Variants in CLNK observed in about 807,000 individuals in gnomAD.
CLNK encodes the protein cytokine dependent hematopoietic cell linker.
CLNK carries 74 observed loss-of-function variants against 68.6 expected under a neutral mutation model. The ratio of observed to expected loss-of-function variants is 1.08; its 90% CI spans 0.89 to 1.31. The LOEUF is 1.31. Among genes scored for constraint, CLNK ranks in the 50% most tolerant of loss-of-function variants. The pLI, the probability that CLNK is intolerant of heterozygous loss-of-function variation, is 0.00. For missense variants in CLNK, 553 were observed against 515.3 expected (o/e 1.07, Z -0.71); for synonymous variants, 198 against 172.2 (o/e 1.15, Z -1.17).
the CLNK span, among the ~76,000 whole-genome samples, chr4:10,699,498 A>C: frequency 0.016 from 322 of 20,316 alleles, 4 homozygotes; most frequent in African/African-American, 0.037. Flanking sequence ...CTCTCTCTAT[A>C]TATATATATA....
intron 15 of CLNK, 115 bp downstream of exon 15, chr4:10,520,676 C>T (rs1341080343): frequency 2.8e-6 from 2 of 723,368 alleles, no homozygotes; most frequent in African/African-American, 1.8e-5. Flanking sequence ...GAGCTAATTA[C>T]ATCTGTACAC....
intron 17 of CLNK, among the ~76,000 whole-genome samples, chr4:10,503,596 TATAA>T (rs1717150137): frequency 1.3e-5 from 2 of 148,454 alleles, no homozygotes; most frequent in Admixed American, 6.7e-5. Context: ...AATGAATATT[TATAA>T]ATATAGATAT....
At chr4:10,642,514 G>A (rs955264521) in intron 2 of CLNK, among the ~76,000 whole-genome samples, 8 of 152,186 alleles carry the variant, frequency 5.3e-5, no homozygotes, top group African/African-American at 1.4e-4. Context: ...AAGGATAGAA[G>A]CAGGGAGGAA....
Position 10,521,465 on chromosome 4 carries a change from TCAG to T in CLNK, c.732-637_732-635del, listed in dbSNP as rs894448543. Among the ~76,000 whole-genome samples, 62 of 152,348 alleles carry T rather than the reference TCAG, an allele frequency of 4.1e-4. 1 individual carries two copies. The highest frequency in any genetic ancestry group is 1.4e-3 in the African/African-American group (60 of 41,590). ...TTTTCTGGTTCATTTTGTATTGTGG[TCAG>T]TATCATCAACATAAGCTCCAGGTGC... On this transcript the variant is annotated intron_variant, in intron 14 of 18. Transcript: ENST00000226951.
At chr4:10,571,444 C>T (rs1720346972) in intron 5 of CLNK, among the ~76,000 whole-genome samples, 2 of 148,736 alleles carry the variant, frequency 1.3e-5, no homozygotes, top group Non-Finnish European at 1.5e-5. Context: ...AAGCGATTCT[C>T]CTGCCTCAGC....
At chr4:10,672,438 G>A (rs1373195798) in intron 1 of CLNK, among the ~76,000 whole-genome samples, 1 of 152,150 alleles carries the variant, frequency 6.6e-6, no homozygotes, top group Non-Finnish European at 1.5e-5. Context: ...GGACTCTTAT[G>A]AAGATTACAT....
chr4:10,522,496 C>T (rs541339616), intron 14 of CLNK, among the ~76,000 whole-genome samples: 4 of 150,238 alleles, frequency 2.7e-5, no homozygotes, highest in Admixed American at 2.7e-4. Flanking sequence ...ATTGCTTAAA[C>T]CCAGGAGGTG....
the CLNK span, among the ~76,000 whole-genome samples, chr4:10,702,686 C>A: frequency 2.6e-5 from 4 of 152,192 alleles, no homozygotes; most frequent in Non-Finnish European, 5.9e-5. Context: ...ACTACCATTT[C>A]TTGGATAGGA....
At chr4:10,581,873 T>A (rs1720797569) in intron 4 of CLNK, among the ~76,000 whole-genome samples, 1 of 152,110 alleles carries the variant, frequency 6.6e-6, no homozygotes, top group African/African-American at 2.4e-5. Flanking sequence ...CTGGATAGTT[T>A]TCTTCTCTCT....
intron 12 of CLNK, among the ~76,000 whole-genome samples, chr4:10,530,619 A>AC (rs1052429434): frequency 1.4e-4 from 22 of 151,920 alleles, no homozygotes; most frequent in African/African-American, 4.3e-4. Flanking sequence ...TCTAAGGCTG[A>AC]CCCCCCATCT....
At chr4:10,680,008 C>A (rs1225195026) in intron 1 of CLNK, among the ~76,000 whole-genome samples, 1 of 152,114 alleles carries the variant, frequency 6.6e-6, no homozygotes, top group Non-Finnish European at 1.5e-5. Context: ...CCAGCCATCT[C>A]ATTACTGGAT....
chr4:10,708,631 A>G, the CLNK span, among the ~76,000 whole-genome samples: 2 of 152,214 alleles, frequency 1.3e-5, no homozygotes, highest in African/African-American at 4.8e-5. Flanking sequence ...GGCTCTACTT[A>G]TCTTTTATCC....
intron 5 of CLNK, among the ~76,000 whole-genome samples, chr4:10,569,064 G>A (rs1265621959): frequency 6.6e-6 from 1 of 152,066 alleles, no homozygotes; most frequent in East Asian, 1.9e-4. Flanking sequence ...CATCATTTTT[G>A]AAATTCTAGT....
intron 4 of CLNK, among the ~76,000 whole-genome samples, chr4:10,576,589 G>A (rs1577141139): frequency 1.3e-5 from 2 of 152,238 alleles, no homozygotes; most frequent in Non-Finnish European, 2.9e-5. Context: ...CCCTTGAACA[G>A]CTCTTCTCGT....
chr4:10,629,153 G>A (rs1210057516), intron 2 of CLNK, among the ~76,000 whole-genome samples: 3 of 152,152 alleles, frequency 2.0e-5, no homozygotes, highest in Non-Finnish European at 4.4e-5. Flanking sequence ...GCCTCATTGA[G>A]GGGTTGGGTC....
chr4:10,530,055 C>G (rs1486581546), intron 12 of CLNK, among the ~76,000 whole-genome samples: 1 of 151,714 alleles, frequency 6.6e-6, no homozygotes, highest in Admixed American at 6.6e-5. Flanking sequence ...CCTTCTCTGC[C>G]CCCTCCTTTC....
the CLNK span, among the ~76,000 whole-genome samples, chr4:10,708,579 G>C: frequency 6.6e-6 from 1 of 152,168 alleles, no homozygotes; most frequent in Non-Finnish European, 1.5e-5. Context: ...GGCTTACAGG[G>C]CATCATGGAG....
At chr4:10,702,491 C>A in the CLNK span, among the ~76,000 whole-genome samples, 1 of 152,118 alleles carries the variant, frequency 6.6e-6, no homozygotes, top group Admixed American at 6.5e-5. Flanking sequence ...ATGATGCATG[C>A]ACATCACAGG....
At chr4:10,538,630 CAG>C (rs1170602247) in intron 11 of CLNK, among the ~76,000 whole-genome samples, 1 of 152,176 alleles carries the variant, frequency 6.6e-6, no homozygotes, top group Non-Finnish European at 1.5e-5. Context: ...GAAATCAAAA[CAG>C]AGCAAATCTG....
Sources: allele counts gnomAD v4.1 joint callset (sites outside exome capture counted in the v4.1 genomes callset), GRCh38; gene constraint gnomAD v4.1.1; transcripts MANE v1.5; gene names NCBI Gene and HGNC (gene_info 2026-07-23, HGNC 2026-07-21).